GAS7: variants seen among roughly 807,000 people sequenced by gnomAD.
GAS7 encodes growth arrest-specific protein 7.
A neutral mutation model predicts 71.1 loss-of-function variants in GAS7; 28 were observed. The ratio of observed to expected loss-of-function variants is 0.39; its 90% CI spans 0.29 to 0.54. The LOEUF (loss-of-function observed/expected upper bound fraction) is 0.54. GAS7 is among the 20% of genes least tolerant of loss of function. The pLI, the probability that GAS7 is intolerant of heterozygous loss-of-function variation, is 0.62. For synonymous variants in GAS7, 258 were observed against 245.8 expected (o/e 1.05, Z -0.46); for missense variants, 436 against 627.8 (o/e 0.69, Z 3.27).
intron 1 of GAS7, among the ~76,000 whole-genome samples, chr17:10,028,230 T>G (rs921784654): frequency 2.0e-5 from 3 of 152,098 alleles, no homozygotes; most frequent in Non-Finnish European, 4.4e-5. Flanking sequence ...TAAATTTAGC[T>G]GTGCATGGTG....
At position 9,969,864 on chromosome 17, in the gene GAS7, T is replaced by A; in HGVS notation, c.386-102A>T. The A allele has an allele frequency of 1.3e-6, 1 of 758,914 alleles. No individual in the cohort carries two copies. Among genetic ancestry groups the A allele is most frequent in the Non-Finnish European group, 2.4e-6 (1 of 423,372 alleles). The allele number at this position is 758,914 out of a possible 1,614,324, so 47.0% of individuals were successfully genotyped here. A position where few individuals can be genotyped will look rare whatever the true frequency, so the allele number is the denominator to read the frequency against. On this transcript the variant is annotated intron_variant, in intron 3 of 13. Coordinates refer to ENST00000432992, the MANE Select transcript of GAS7 (RefSeq NM_201433.2). This position sits in a 1 kb window ranked among gnomAD's most constrained non-coding sequence, Gnocchi z 5.5. Reference sequence around the variant, plus strand: ...CTTTTCCCACCTCCTTCCTTGGCTCTGAGAGGTCTTGCGTGGCGAAGACCA... The same window carrying A: ...CTTTTCCCACCTCCTTCCTTGGCTCAGAGAGGTCTTGCGTGGCGAAGACCA...
chr17:10,009,709 C>CT (rs939160260), intron 2 of GAS7, among the ~76,000 whole-genome samples: 63 of 144,830 alleles, frequency 4.3e-4, no homozygotes, highest in South Asian at 1.5e-3. Context: ...AAATAAAACA[C>CT]TTTTTTTTTT....
chr17:9,970,702 T>A, intron 3 of GAS7, among the ~76,000 whole-genome samples: 1 of 152,286 alleles, frequency 6.6e-6, no homozygotes, highest in East Asian at 1.9e-4. Flanking sequence ...TATAACTTTA[T>A]GTCTCTTGGG....
chr17:10,025,396 A>G (rs1005673723), intron 1 of GAS7, among the ~76,000 whole-genome samples: 4 of 151,884 alleles, frequency 2.6e-5, no homozygotes, highest in Admixed American at 2.6e-4. Context: ...CCCAAGGAGG[A>G]TGACAACTCA....
chr17:10,054,780 G>A (rs1342382340), intron 1 of GAS7, among the ~76,000 whole-genome samples: 1 of 152,186 alleles, frequency 6.6e-6, no homozygotes, highest in African/African-American at 2.4e-5. Flanking sequence ...AGCTTCCACG[G>A]GATCTGTGAA....
At chr17:10,185,817 C>T (rs923227793) in intron 1 of GAS7, among the ~76,000 whole-genome samples, 2 of 152,122 alleles carry the variant, frequency 1.3e-5, no homozygotes, top group African/African-American at 2.4e-5. Context: ...GGAAAACACT[C>T]GCCACCCCCA....
intron 2 of GAS7, among the ~76,000 whole-genome samples, chr17:10,016,314 G>A (rs1325239912): frequency 6.6e-6 from 1 of 151,204 alleles, no homozygotes; most frequent in Non-Finnish European, 1.5e-5. Context: ...GAACCCGGGA[G>A]GCGGAGCTTG....
chr17:10,038,467 T>C (rs2072799661), intron 1 of GAS7, among the ~76,000 whole-genome samples: 1 of 152,172 alleles, frequency 6.6e-6, no homozygotes, highest in Non-Finnish European at 1.5e-5. Flanking sequence ...ACAGCCCCTG[T>C]GGAAAATAGT....
chr17:10,116,728 C>T (rs2073864616), intron 1 of GAS7, among the ~76,000 whole-genome samples: 1 of 152,148 alleles, frequency 6.6e-6, no homozygotes, highest in Non-Finnish European at 1.5e-5. Flanking sequence ...TTGAACACCT[C>T]TTATACACCA....
At chr17:9,917,890 C>T (rs2067641618) in intron 13 of GAS7, 111 bp downstream of exon 13, 1 of 743,898 alleles carries the variant, frequency 1.3e-6, no homozygotes, top group Non-Finnish European at 2.2e-6. Context: ...CCACTGCCCG[C>T]CTTTAGGGCA....
intron 1 of GAS7, among the ~76,000 whole-genome samples, chr17:10,126,629 C>T (rs1396568252): frequency 6.6e-6 from 1 of 152,144 alleles, no homozygotes; most frequent in Admixed American, 6.6e-5. Context: ...CACTCACACA[C>T]TCGCGCACAC....
chr17:10,053,970 TACCATC>T (rs1291981309), intron 1 of GAS7, among the ~76,000 whole-genome samples: 1 of 152,280 alleles, frequency 6.6e-6, no homozygotes, highest in East Asian at 1.9e-4. Context: ...TAGGTTTGGG[TACCATC>T]CAACTATCTG....
rs143625225 is a variant in GAS7, at chr17:9,953,781, C to T, written c.525+5421G>A. Among the ~76,000 whole-genome samples the T allele has an allele frequency of 6.6e-3, 1,006 of 152,342 alleles. 7 individuals are homozygous for T. The highest frequency in any genetic ancestry group is 0.022 in the African/African-American group (931 of 41,562). ...TCGTGATGGTTTATTTAATGTTTCTCCTCCTTGCCAGACAGCCTGTTCTAC... is the reference window on the plus strand; with the variant it reads ...TCGTGATGGTTTATTTAATGTTTCTTCTCCTTGCCAGACAGCCTGTTCTAC... On this transcript the variant is annotated intron_variant, in intron 5 of 13. Transcript: ENST00000432992.
At chr17:10,046,228 G>A (rs1337931516) in intron 1 of GAS7, among the ~76,000 whole-genome samples, 1 of 152,048 alleles carries the variant, frequency 6.6e-6, no homozygotes, top group East Asian at 1.9e-4. Flanking sequence ...CTGAATCTCT[G>A]GGAGATTAAG....
intron 13 of GAS7, 26 bp downstream of exon 13, chr17:9,917,975 G>A: frequency 6.4e-7 from 1 of 1,559,314 alleles, no homozygotes; most frequent in African/African-American, 1.4e-5. Context: ...GTGTCGCCCG[G>A]GAGCCCCGCT....
In GAS7 at chr17:9,919,748, C is replaced by G. The variant is rs746532724; in HGVS notation, c.1139-43G>C. The G allele has an allele frequency of 5.7e-6, 8 of 1,396,524 alleles. No homozygotes were observed. The highest frequency in any genetic ancestry group is 8.1e-6 in the Non-Finnish European group (8 of 982,120). 86.5% of individuals were successfully genotyped at this position (1,396,524 alleles called of 1,614,324 possible). A position where few individuals can be genotyped will look rare whatever the true frequency, so the allele number is the denominator to read the frequency against. ...TCACCATCATGAAGCATCCTATCCT[C>G]ACCATGACTCTGTGCCCCACCCTGA... On this transcript the variant is annotated intron_variant, in intron 11 of 13. Coordinates refer to ENST00000432992, the MANE Select transcript of GAS7 (RefSeq NM_201433.2). This position sits in a 1 kb window ranked among gnomAD's most constrained non-coding sequence, Gnocchi z 5.0.
chr17:10,189,041 A>G (rs1049193560), intron 1 of GAS7, among the ~76,000 whole-genome samples: 2 of 152,200 alleles, frequency 1.3e-5, no homozygotes, highest in African/African-American at 2.4e-5. Context: ...TTAATTTATA[A>G]AAGCACTTTC....
intron 5 of GAS7, among the ~76,000 whole-genome samples, chr17:9,956,698 C>T (rs1403985267): frequency 1.3e-5 from 2 of 152,170 alleles, no homozygotes; most frequent in African/African-American, 2.4e-5. Flanking sequence ...GAAAAAGGAG[C>T]GTCAGAATCC....
intron 2 of GAS7, among the ~76,000 whole-genome samples, chr17:10,011,982 A>AG (rs919330637): frequency 6.6e-6 from 1 of 152,018 alleles, no homozygotes; most frequent in African/African-American, 2.4e-5. Flanking sequence ...TCTCAAAAAA[A>AG]AAAAAAACAA....
Sources: allele counts gnomAD v4.1 joint callset (sites outside exome capture counted in the v4.1 genomes callset), GRCh38; gene constraint gnomAD v4.1.1; non-coding constraint Gnocchi (gnomAD v3.1); transcripts MANE v1.5; gene names NCBI Gene and HGNC (gene_info 2026-07-23, HGNC 2026-07-21).